KIAA2012: variants seen among roughly 807,000 people sequenced by gnomAD.
KIAA2012 encodes the protein uncharacterized protein KIAA2012.
In KIAA2012, 125 loss-of-function variants were observed where a neutral mutation model predicts 150.6. The ratio of observed to expected loss-of-function variants is 0.83; its 90% CI spans 0.72 to 0.96. The LOEUF is 0.96. Among genes scored for constraint, KIAA2012 ranks in the 40% least tolerant of loss-of-function variants. The pLI is 0.00. For missense variants in KIAA2012, 1,219 were observed against 1,354.9 expected, an observed-to-expected ratio of 0.90 and a Z score of 1.57; for synonymous variants, 462 against 504.7, an observed-to-expected ratio of 0.92 and a Z score of 1.13.
chr2:202,125,164 T>C, intron 11 of KIAA2012, 50 bp from the exon 12 acceptor site: 1 of 1,447,596 alleles, frequency 6.9e-7, no homozygotes, highest in African/African-American at 1.4e-5. Context: ...GGAATAAATT[T>C]TTACAAGACT....
chr2:202,108,613 C>T (rs1369985136), intron 9 of KIAA2012, among the ~76,000 whole-genome samples: 2 of 152,142 alleles, frequency 1.3e-5, no homozygotes, highest in Non-Finnish European at 2.9e-5. Flanking sequence ...TTTCTATTTC[C>T]TCATAATGAG....
rs1192536541 is a variant in KIAA2012 at position 202,090,938 on chromosome 2, G to C, written c.529+9G>C. On this transcript the variant is annotated intron_variant, in intron 3 of 23. Transcript: ENST00000498697. ...TAGGCTCTGGTGCGCAGGTCAGTGG[G>C]GAAATGGGAGGGGGGCACACCCCAA... The C allele has an allele frequency of 3.9e-6, 6 of 1,534,326 alleles. No individual in the cohort carries two copies. Among genetic ancestry groups the C allele is most frequent in the Middle Eastern group, 1.7e-4 (1 of 5,940 alleles).
chr2:202,189,118 G>T (rs1364575543), intron 18 of KIAA2012, among the ~76,000 whole-genome samples: 1 of 152,068 alleles, frequency 6.6e-6, no homozygotes, highest in Non-Finnish European at 1.5e-5. Flanking sequence ...AATACTTGTG[G>T]TGCCCCTACC....
At chr2:202,091,516 C>T (rs1365841318) in intron 3 of KIAA2012, among the ~76,000 whole-genome samples, 1 of 152,148 alleles carries the variant, frequency 6.6e-6, no homozygotes, top group East Asian at 1.9e-4. Context: ...TGAACAGACC[C>T]TAAATGCACT....
intron 20 of KIAA2012, 47 bp downstream of exon 20, chr2:202,193,550 A>AG: frequency 6.5e-7 from 1 of 1,540,398 alleles, no homozygotes; most frequent in Non-Finnish European, 8.8e-7. Flanking sequence ...AGGAAGCAGA[A>AG]GAAAAAGACA....
At chr2:202,096,681 C>T (rs1462677647) in intron 4 of KIAA2012, among the ~76,000 whole-genome samples, 2 of 152,192 alleles carry the variant, frequency 1.3e-5, no homozygotes, top group Non-Finnish European at 2.9e-5. Context: ...AGTTGAAAGA[C>T]AACCCCAAAT....
intron 13 of KIAA2012, among the ~76,000 whole-genome samples, chr2:202,141,897 G>A (rs1349738992): frequency 1.3e-5 from 2 of 152,046 alleles, no homozygotes; most frequent in Non-Finnish European, 1.5e-5. Flanking sequence ...AAAATTTCAA[G>A]AGGAAATATT....
chr2:202,073,647 T>C lies in KIAA2012; in HGVS notation c.20T>C (p.Leu7Pro). The C allele has an allele frequency of 1.9e-6, 3 of 1,550,476 alleles. No homozygotes were observed. The highest frequency in any genetic ancestry group is 1.2e-5 in the South Asian group (1 of 84,038). MFTLSL[L>P]SRGHGKLGQD... ...GGAAACATGTTCACGCTCTCCCTCC[T>C]GAGCCGGGGCCACGGGAAGCTGGGC... The change falls in exon 1 of 24, where the codon CTG becomes CCG. Residue 7 changes from leucine (L) to proline (P), a missense_variant. Physicochemically the swap from Leu to Pro is moderately conservative, Grantham distance 98 (BLOSUM62 -3). Coordinates refer to ENST00000498697, the MANE Select transcript of KIAA2012 (RefSeq NM_001277372.4).
At position 202,115,695 on chromosome 2, in the gene KIAA2012, G is replaced by A. The variant is rs1690500528; in HGVS notation, c.1762+2249G>A. ...ACTGAATACTCCAGGTGCCACAAAG[G>A]AAAGTTCTTTAGGGATCATAGTTGT... On this transcript the variant is annotated intron_variant, in intron 11 of 23. Coordinates refer to ENST00000498697, the MANE Select transcript of KIAA2012 (RefSeq NM_001277372.4). The A allele has an allele frequency of 2.7e-5, 4 of 150,932 alleles. No homozygotes were observed. The South Asian group carries it at 8.4e-4, about 32-fold the overall frequency. The allele number at this position is 150,932 out of a possible 1,614,324, so 9.3% of individuals were successfully genotyped here.
intron 22 of KIAA2012, chr2:202,201,685 C>T: frequency 6.2e-7 from 1 of 1,608,910 alleles, no homozygotes; most frequent in Non-Finnish European, 8.5e-7. Context: ...TACAGAGAGG[C>T]TCCAGGAAAG....
At chr2:202,111,914 AGCTGGTGGCCTGCTAGTCCAGGTAGCTG>A (rs1393048948) in intron 10 of KIAA2012, among the ~76,000 whole-genome samples, 6 of 152,090 alleles carry the variant, frequency 3.9e-5, no homozygotes, top group Non-Finnish European at 8.8e-5. Context: ...CATCCACTCT[AGCTGGTGGCCTGCTAGTCCAGGTAGCTG>A]GACTCCTGGA....
chr2:202,149,927 A>G (rs1395685437), intron 13 of KIAA2012, among the ~76,000 whole-genome samples: 2 of 152,234 alleles, frequency 1.3e-5, no homozygotes. Flanking sequence ...ATCCAAGAGT[A>G]AGAAAGGAAA....
intron 2 of KIAA2012, among the ~76,000 whole-genome samples, chr2:202,082,582 C>T (rs1449318152): frequency 1.5e-5 from 2 of 136,060 alleles, no homozygotes; most frequent in Admixed American, 7.9e-5. Flanking sequence ...GGTGACAGGG[C>T]GAGAGTCTGT....
At chr2:202,163,233 A>G (rs1691693873) in intron 14 of KIAA2012, among the ~76,000 whole-genome samples, 1 of 150,230 alleles carries the variant, frequency 6.7e-6, no homozygotes, top group Non-Finnish European at 1.5e-5. Flanking sequence ...CCTCCTGAGT[A>G]GCTGGGATTG....
intron 12 of KIAA2012, among the ~76,000 whole-genome samples, chr2:202,129,892 T>C (rs1690891707): frequency 6.6e-6 from 1 of 152,180 alleles, no homozygotes; most frequent in African/African-American, 2.4e-5. Flanking sequence ...TCATTGATAT[T>C]GCAAGGCTGG....
At position 202,099,617 on chromosome 2, in the gene KIAA2012, CG is replaced by C; in HGVS notation, c.834del (p.Ser279GlnfsTer2). ...WQEDETQAED[T>X]SIENHLCLYA... The stretch of plus-strand genomic sequence containing the variant: ...TGTGTATCTGTCGTTCCCTAGGACA[CG>C]TCAATAGAGAATCACCTTTGTTTAT... On this transcript the variant is annotated frameshift_variant, in exon 6 of 24. Coordinates refer to ENST00000498697, the MANE Select transcript of KIAA2012 (RefSeq NM_001277372.4). LOFTEE classifies it high-confidence loss of function. 8 of 1,549,248 alleles carry C rather than the reference CG, an allele frequency of 5.2e-6. No homozygotes were observed. Among genetic ancestry groups the C allele is most frequent in the Non-Finnish European group, 6.1e-6 (7 of 1,146,318 alleles).
At chr2:202,117,397 G>A (rs761567963) in intron 11 of KIAA2012, among the ~76,000 whole-genome samples, 3 of 152,162 alleles carry the variant, frequency 2.0e-5, no homozygotes, top group Admixed American at 6.5e-5. Context: ...GGGACCCCAC[G>A]GGTAAAAGAA....
At chr2:202,077,550 G>C (rs1457589361) in intron 2 of KIAA2012, among the ~76,000 whole-genome samples, 1 of 152,206 alleles carries the variant, frequency 6.6e-6, no homozygotes, top group African/African-American at 2.4e-5. Flanking sequence ...CACATGAGTA[G>C]AGGGAAATGG....
intron 16 of KIAA2012, among the ~76,000 whole-genome samples, chr2:202,186,074 G>T (rs749164591): frequency 6.6e-6 from 1 of 152,200 alleles, no homozygotes; most frequent in African/African-American, 2.4e-5. Context: ...TGCAATCCAC[G>T]TGGCTGCTTT....
Sources: allele counts gnomAD v4.1 joint callset (sites outside exome capture counted in the v4.1 genomes callset), GRCh38; gene constraint gnomAD v4.1.1; transcripts MANE v1.5; gene names NCBI Gene and HGNC (gene_info 2026-07-23, HGNC 2026-07-21).